Variants in VAV2 observed in about 807,000 individuals in gnomAD.
The protein encoded by VAV2 is guanine nucleotide exchange factor VAV2.
A neutral mutation model predicts 132.5 loss-of-function variants in VAV2; 67 were observed. The observed-to-expected ratio is 0.51, with a 90% CI of 0.42 to 0.62. The LOEUF (loss-of-function observed/expected upper bound fraction) is 0.62. Ranked by LOEUF, VAV2 falls within the 20% of genes least tolerant of loss-of-function variation. The pLI, the probability that VAV2 is intolerant of heterozygous loss-of-function variation, is 0.00. For missense variants in VAV2, 938 were observed against 1,153.6 expected (o/e 0.81, Z 2.71); for synonymous variants, 492 against 443.5 (o/e 1.11, Z -1.37).
At chr9:133,817,748 T>C (rs1835617914) in intron 4 of VAV2, among the ~76,000 whole-genome samples, 1 of 152,230 alleles carries the variant, frequency 6.6e-6, no homozygotes, top group Non-Finnish European at 1.5e-5. Context: ...ATATCGTGCT[T>C]TTCAGTTTTA....
At chr9:133,984,518 T>C (rs554405523) in intron 1 of VAV2, among the ~76,000 whole-genome samples, 27 of 152,142 alleles carry the variant, frequency 1.8e-4, no homozygotes, top group Admixed American at 1.2e-3. Context: ...GAGGCTGTAG[T>C]GAAAGGATCC....
At chr9:133,807,200 G>A (rs1455411356) in intron 8 of VAV2, 58 bp downstream of exon 8, 191 of 1,564,248 alleles carry the variant, frequency 1.2e-4, no homozygotes, top group Non-Finnish European at 1.6e-4. Flanking sequence ...GACATGTGTG[G>A]CCAGTGCCGA....
intron 9 of VAV2, among the ~76,000 whole-genome samples, chr9:133,805,617 G>A (rs556806469): frequency 6.4e-4 from 97 of 151,856 alleles, no homozygotes; most frequent in African/African-American, 2.1e-3. Context: ...CCCAGCCTCC[G>A]GCAGCCTGGG....
intron 2 of VAV2, among the ~76,000 whole-genome samples, chr9:133,903,078 GAAAAA>G (rs61131449): frequency 3.8e-5 from 4 of 105,370 alleles, no homozygotes; most frequent in African/African-American, 1.4e-4. Context: ...CCTGCCCCAG[GAAAAA>G]AAAAAAAAAA....
At chr9:133,856,785 C>A (rs1237008191) in intron 3 of VAV2, among the ~76,000 whole-genome samples, 1 of 152,226 alleles carries the variant, frequency 6.6e-6, no homozygotes, top group Non-Finnish European at 1.5e-5. Flanking sequence ...GGGCCCACAG[C>A]CCCATCGCTC....
At chr9:133,889,536 G>A (rs1268482551) in intron 2 of VAV2, among the ~76,000 whole-genome samples, 1 of 152,310 alleles carries the variant, frequency 6.6e-6, no homozygotes, top group Admixed American at 6.5e-5. Context: ...TCCAGGGCCT[G>A]GGGGAGCACA....
intron 1 of VAV2, among the ~76,000 whole-genome samples, chr9:133,973,406 G>GGC (rs1842404613): frequency 6.6e-6 from 1 of 152,166 alleles, no homozygotes; most frequent in South Asian, 2.1e-4. Flanking sequence ...TCCCTCCCAT[G>GGC]ACCCCCGGGC....
chr9:133,861,279 G>T, intron 3 of VAV2, 95 bp downstream of exon 3: 1 of 1,340,842 alleles, frequency 7.5e-7, no homozygotes, highest in Non-Finnish European at 1.0e-6. Context: ...CAGGCAGAGG[G>T]CATCTGCTTC....
rs1836697656 is a variant in VAV2, at chr9:133,840,963, T to C, written c.381-6623A>G. Among the ~76,000 whole-genome samples the C allele has an allele frequency of 6.6e-6, 1 of 152,038 alleles. No individual in the cohort carries two copies. Among genetic ancestry groups the C allele is most frequent in the African/African-American group, 2.4e-5 (1 of 41,394 alleles). Reference sequence around the variant, plus strand: ...AGCACAGGTCTGTCAGTGCAGACCCTCAGGATCTCAGCTAGAGGGACGACA... The same window carrying C: ...AGCACAGGTCTGTCAGTGCAGACCCCCAGGATCTCAGCTAGAGGGACGACA... On this transcript the variant is annotated intron_variant, in intron 3 of 29. Transcript: ENST00000371850. This position sits in a 1 kb window ranked among gnomAD's most constrained non-coding sequence, Gnocchi z 4.5.
At chr9:133,950,750 C>T (rs1416983838) in intron 1 of VAV2, among the ~76,000 whole-genome samples, 1 of 152,152 alleles carries the variant, frequency 6.6e-6, no homozygotes, top group Non-Finnish European at 1.5e-5. Flanking sequence ...AGGACCTCAG[C>T]CCCTCCTCTC....
chr9:133,924,586 C>A (rs1387362976), intron 2 of VAV2, among the ~76,000 whole-genome samples: 1 of 152,256 alleles, frequency 6.6e-6, no homozygotes, highest in East Asian at 1.9e-4. Context: ...GTCACCTACA[C>A]TGCAGCAGGC....
At chr9:133,907,762 G>A (rs1227472769) in intron 2 of VAV2, among the ~76,000 whole-genome samples, 1 of 152,232 alleles carries the variant, frequency 6.6e-6, no homozygotes, top group Non-Finnish European at 1.5e-5. Context: ...GAAACAACCA[G>A]GCTGAAAGTA....
At chr9:133,825,394 T>C (rs1275791943) in intron 4 of VAV2, among the ~76,000 whole-genome samples, 1 of 152,012 alleles carries the variant, frequency 6.6e-6, no homozygotes, top group Non-Finnish European at 1.5e-5. Flanking sequence ...GGGCAGGCTT[T>C]GCATGTGCCT....
rs183452053 is a variant in VAV2, at chr9:133,769,921, G to A, written c.2348-418C>T. Among the ~76,000 whole-genome samples, 4 of 152,352 alleles carry A rather than the reference G, an allele frequency of 2.6e-5. No homozygotes were observed. Among genetic ancestry groups the A allele is most frequent in the Admixed American group, 1.3e-4 (2 of 15,310 alleles). ...GTCCTGAGCGGGAAGCCGCATGCTC[G>A]GGGCCTGCCCCTGCCCCTGATTCCG... On this transcript the variant is annotated intron_variant, in intron 27 of 29. Transcript: ENST00000371850. The surrounding 1 kb of genome is among the most constrained non-coding windows in gnomAD (Gnocchi z 8.1).
At position 133,885,645 on chromosome 9, in the gene VAV2, C is replaced by G. The variant is rs1002856191; in HGVS notation, c.322-24213G>C. Among the ~76,000 whole-genome samples, 8 of 152,310 alleles carry G rather than the reference C, an allele frequency of 5.3e-5. No individual in the cohort carries two copies. Among genetic ancestry groups the G allele is most frequent in the African/African-American group, 1.9e-4 (8 of 41,568 alleles). ...GCTTGGTGTGGTGTTCTGCTGGGCC[C>G]CCACCTCCAATTTCCATCTAACAGC... On this transcript the variant is annotated intron_variant, in intron 2 of 29. Coordinates refer to ENST00000371850, the MANE Select transcript of VAV2 (RefSeq NM_001134398.2). This position sits in a 1 kb window ranked among gnomAD's most constrained non-coding sequence, Gnocchi z 5.0.
rs899234103 is a variant in VAV2 at position 133,802,733 on chromosome 9, A to G, written c.836+3348T>C. ...CTCCAGAGATGCCTCTCCTCTGCCCATTTTCCTCATGGTATCACCTCTGCC... is the reference window on the plus strand; with the variant it reads ...CTCCAGAGATGCCTCTCCTCTGCCCGTTTTCCTCATGGTATCACCTCTGCC... On this transcript the variant is annotated intron_variant, in intron 9 of 29. Transcript: ENST00000371850. The surrounding 1 kb of genome is among the most constrained non-coding windows in gnomAD (Gnocchi z 5.8). Among the ~76,000 whole-genome samples, 3 of 147,238 alleles carry G rather than the reference A, an allele frequency of 2.0e-5. No homozygotes were observed. Among genetic ancestry groups the G allele is most frequent in the Non-Finnish European group, 4.4e-5 (3 of 67,976 alleles).
At chr9:133,868,288 A>C (rs7855970) in intron 2 of VAV2, among the ~76,000 whole-genome samples, 1 of 152,128 alleles carries the variant, frequency 6.6e-6, no homozygotes, top group Non-Finnish European at 1.5e-5. Flanking sequence ...CCGCATCCCC[A>C]TGAGGTGGGG....
intron 26 of VAV2, among the ~76,000 whole-genome samples, chr9:133,771,252 T>C (rs1449912976): frequency 6.6e-6 from 1 of 151,878 alleles, no homozygotes; most frequent in Non-Finnish European, 1.5e-5. Flanking sequence ...TTTGTAGACA[T>C]GGGGTTTTGC....
Position 133,921,247 on chromosome 9 carries a change from C to G in VAV2, c.321+17856G>C, listed in dbSNP as rs527882528. On this transcript the variant is annotated intron_variant, in intron 2 of 29. Transcript: ENST00000371850. Reference sequence around the variant, plus strand: ...CCGGAGTGTGGGCTCTGCTCCCTTACCACTCCACCCCTGCACCTGGCCATG... The same window carrying G: ...CCGGAGTGTGGGCTCTGCTCCCTTAGCACTCCACCCCTGCACCTGGCCATG... Among the ~76,000 whole-genome samples, 17 of 152,276 alleles carry G rather than the reference C, an allele frequency of 1.1e-4. No individual in the cohort carries two copies. The South Asian group carries it at 3.3e-3, about 30-fold the overall frequency.
Sources: allele counts gnomAD v4.1 joint callset (sites outside exome capture counted in the v4.1 genomes callset), GRCh38; gene constraint gnomAD v4.1.1; non-coding constraint Gnocchi (gnomAD v3.1); transcripts MANE v1.5; gene names NCBI Gene and HGNC (gene_info 2026-07-23, HGNC 2026-07-21).